Variants in ALK observed in about 807,000 individuals in gnomAD.
ALK encodes the protein ALK receptor tyrosine kinase.
Under a neutral mutation model 163.1 loss-of-function variants are expected in ALK, and 74 were observed. The ratio of observed to expected loss-of-function variants is 0.45; its 90% CI spans 0.38 to 0.55. The LOEUF is 0.55. Among genes scored for constraint, ALK ranks in the 20% least tolerant of loss-of-function variants. The pLI, the probability that ALK is intolerant of heterozygous loss-of-function variation, is 0.00. For missense variants in ALK, 2,063 were observed against 2,105.3 expected (o/e 0.98, Z 0.39); for synonymous variants, 960 against 843.2 (o/e 1.14, Z -2.40).
intron 4 of ALK, among the ~76,000 whole-genome samples, chr2:29,434,076 G>A (rs1292789937): frequency 1.3e-5 from 2 of 152,098 alleles, no homozygotes; most frequent in Non-Finnish European, 2.9e-5. Flanking sequence ...GCTTGTGCCT[G>A]GAGTTTTATA....
intron 1 of ALK, among the ~76,000 whole-genome samples, chr2:29,787,768 G>A (rs1280511041): frequency 6.6e-6 from 1 of 152,174 alleles, no homozygotes; most frequent in African/African-American, 2.4e-5. Context: ...CAAGGAAGAA[G>A]AAGAAATGAT....
At chr2:29,879,766 C>T (rs2148417551) in intron 1 of ALK, among the ~76,000 whole-genome samples, 2 of 152,278 alleles carry the variant, frequency 1.3e-5, no homozygotes, top group South Asian at 4.1e-4. Context: ...GGTCATTCAT[C>T]CCAAAAGAAT....
At chr2:29,675,102 T>C (rs1339326049) in intron 3 of ALK, among the ~76,000 whole-genome samples, 1 of 152,068 alleles carries the variant, frequency 6.6e-6, no homozygotes, top group African/African-American at 2.4e-5. Flanking sequence ...TTCCAGGACA[T>C]TTTCTATGCC....
At chr2:29,318,169 G>A in intron 8 of ALK, 135 bp downstream of exon 8, 2 of 728,774 alleles carry the variant, frequency 2.7e-6, no homozygotes, top group Non-Finnish European at 5.0e-6. Flanking sequence ...CTCGAAGATG[G>A]CAGAGGTGGC....
intron 3 of ALK, among the ~76,000 whole-genome samples, chr2:29,655,228 G>A (rs1677152426): frequency 6.6e-6 from 1 of 152,038 alleles, no homozygotes; most frequent in African/African-American, 2.4e-5. Flanking sequence ...GGCAATACTG[G>A]GGTATTATAA....
At chr2:29,304,861 G>A (rs1666461427) in intron 8 of ALK, among the ~76,000 whole-genome samples, 1 of 152,240 alleles carries the variant, frequency 6.6e-6, no homozygotes, top group African/African-American at 2.4e-5. Context: ...GAATGTGGAA[G>A]TAGAGCTCCT....
intron 4 of ALK, among the ~76,000 whole-genome samples, chr2:29,528,740 C>T (rs1673029768): frequency 6.6e-6 from 1 of 152,180 alleles, no homozygotes; most frequent in Non-Finnish European, 1.5e-5. Flanking sequence ...CATTTCACAG[C>T]TCACCATTTT....
intron 28 of ALK, among the ~76,000 whole-genome samples, chr2:29,195,602 G>C (rs1275288729): frequency 6.6e-6 from 1 of 152,166 alleles, no homozygotes. Flanking sequence ...GGATATGGTG[G>C]CACATGCCTG....
intron 4 of ALK, among the ~76,000 whole-genome samples, chr2:29,434,460 C>T (rs115909368): frequency 0.01 from 1,589 of 152,300 alleles, 14 homozygotes; most frequent in African/African-American, 0.037. Context: ...AATGGAAACA[C>T]GTTCATCAAT....
chr2:29,770,126 C>T (rs909916510), intron 1 of ALK, among the ~76,000 whole-genome samples: 2 of 152,288 alleles, frequency 1.3e-5, no homozygotes, highest in East Asian at 1.9e-4. Flanking sequence ...TGGAGACTCC[C>T]GGTCCAGGGA....
rs193113433 is a variant in ALK, at chr2:29,403,104, C to T, written c.1155-19245G>A. Among the ~76,000 whole-genome samples the T allele has an allele frequency of 3.6e-3, 541 of 152,226 alleles. 3 individuals carry two copies. Among genetic ancestry groups the T allele is most frequent in the African/African-American group, 0.012 (504 of 41,536 alleles). ...AGCTTTGAATCATCAGCAGACCAGG[C>T]CACTCATAAAATGAGATGATAACCA... On this transcript the variant is annotated intron_variant, in intron 4 of 28. Coordinates refer to ENST00000389048, the MANE Select transcript of ALK (RefSeq NM_004304.5).
intron 11 of ALK, among the ~76,000 whole-genome samples, chr2:29,262,937 C>G (rs929108165): frequency 6.6e-6 from 1 of 152,230 alleles, no homozygotes; most frequent in African/African-American, 2.4e-5. Flanking sequence ...ACAGGAAAAA[C>G]ACTACCCTGA....
chr2:29,267,692 C>T (rs1276719052), intron 11 of ALK, among the ~76,000 whole-genome samples: 1 of 152,154 alleles, frequency 6.6e-6, no homozygotes, highest in African/African-American at 2.4e-5. Flanking sequence ...AACCTTTTTA[C>T]TCCTAGATTC....
chr2:29,492,842 T>C (rs1164446216), intron 4 of ALK, among the ~76,000 whole-genome samples: 4 of 152,184 alleles, frequency 2.6e-5, no homozygotes, highest in African/African-American at 7.2e-5. Context: ...AGTGGTAATA[T>C]TGGCAAAGAT....
chr2:29,277,346 G>A (rs1665574141), intron 9 of ALK, among the ~76,000 whole-genome samples: 1 of 152,240 alleles, frequency 6.6e-6, no homozygotes, highest in South Asian at 2.1e-4. Context: ...CTTGTTAGAT[G>A]CTGGCTTGGT....
chr2:29,637,185 T>G (rs1038085276), intron 3 of ALK, among the ~76,000 whole-genome samples: 13 of 151,948 alleles, frequency 8.6e-5, no homozygotes, highest in African/African-American at 3.1e-4. Context: ...GAAACCAACA[T>G]GTTCCTCCAT....
intron 4 of ALK, among the ~76,000 whole-genome samples, chr2:29,401,758 T>C (rs917110248): frequency 1.3e-5 from 2 of 152,078 alleles, no homozygotes; most frequent in Non-Finnish European, 2.9e-5. Flanking sequence ...AAATTGGCCG[T>C]CTCATGGGCC....
intron 3 of ALK, among the ~76,000 whole-genome samples, chr2:29,588,510 C>T (rs1025985624): frequency 6.6e-6 from 1 of 152,164 alleles, no homozygotes; most frequent in Non-Finnish European, 1.5e-5. Context: ...AGATTACAGA[C>T]ATGAGCCACC....
intron 3 of ALK, among the ~76,000 whole-genome samples, chr2:29,608,039 G>A (rs199835819): frequency 2.1e-5 from 1 of 48,346 alleles, no homozygotes; most frequent in Non-Finnish European, 3.8e-5. Flanking sequence ...CATTTCTATT[G>A]CTTTGTCTGG....
Sources: gnomAD v4.1 joint callset for allele counts (sites outside exome capture counted in the v4.1 genomes callset) on GRCh38, gnomAD v4.1.1 for gene constraint, MANE v1.5 for transcripts, NCBI Gene and HGNC (gene_info 2026-07-23, HGNC 2026-07-21) for gene names.